Variants in ARHGEF28 observed in about 807,000 individuals in gnomAD.
ARHGEF28 encodes 190 kDa guanine nucleotide exchange factor.
ARHGEF28 carries 152 observed loss-of-function variants against 206.6 expected under a neutral mutation model. The ratio of observed to expected loss-of-function variants is 0.74; its 90% CI spans 0.64 to 0.84. ARHGEF28 has a LOEUF of 0.84. Ranked by LOEUF, ARHGEF28 falls within the 40% of genes least tolerant of loss-of-function variation. ARHGEF28 has a pLI of 0.00. For missense variants in ARHGEF28, 2,028 were observed against 2,073.2 expected, an observed-to-expected ratio of 0.98 and a Z score of 0.42; for synonymous variants, 763 against 776.4, an observed-to-expected ratio of 0.98 and a Z score of 0.29.
At chr5:73,677,561 A>G (rs1415540236) in intron 1 of ARHGEF28, among the ~76,000 whole-genome samples, 1 of 152,252 alleles carries the variant, frequency 6.6e-6, no homozygotes, top group Non-Finnish European at 1.5e-5. Context: ...TAAATGTTAT[A>G]TTTACTTTCC....
chr5:73,834,140 A>C (rs946411989), intron 10 of ARHGEF28, among the ~76,000 whole-genome samples: 4 of 152,218 alleles, frequency 2.6e-5, no homozygotes, highest in African/African-American at 9.6e-5. Flanking sequence ...ATTATGAGAT[A>C]ATTACCACAA....
Position 73,742,775 on chromosome 5 carries a change from G to A in ARHGEF28, c.34-7062G>A, listed in dbSNP as rs1751513582. Among the ~76,000 whole-genome samples, 3 of 145,426 alleles carry A rather than the reference G, an allele frequency of 2.1e-5. No individual in the cohort carries two copies. The South Asian group carries it at 6.5e-4, about 31-fold the overall frequency. Reference sequence around the variant, plus strand: ...GGAAGCAGAGCTTGCAGTGAGCCGAGATTGCGCCACTGCAGTCCGCAGTCC... The same window carrying A: ...GGAAGCAGAGCTTGCAGTGAGCCGAAATTGCGCCACTGCAGTCCGCAGTCC... On this transcript the variant is annotated intron_variant, in intron 2 of 35. Coordinates refer to ENST00000513042, the MANE Select transcript of ARHGEF28 (RefSeq NM_001177693.2).
rs141509598 is a variant in ARHGEF28, at chr5:73,848,659, A to C, written c.1636-317A>C. 3.3e-5 allele frequency among the ~76,000 whole-genome samples: 5 copies of C among 152,258 alleles called. No individual in the cohort carries two copies. The East Asian group carries it at 9.6e-4, about 29-fold the overall frequency. On this transcript the variant is annotated intron_variant, in intron 12 of 35. Transcript: ENST00000513042. The stretch of plus-strand genomic sequence containing the variant: ...ACTGACACCTCAGGTAAAAATAATA[A>C]ACTCATTGTTGAATATACAAAGAAA...
chr5:73,685,789 A>AT (rs1747427825), intron 2 of ARHGEF28, among the ~76,000 whole-genome samples: 1 of 151,564 alleles, frequency 6.6e-6, no homozygotes, highest in Non-Finnish European at 1.5e-5. Context: ...CGCCTGGCTA[A>AT]TTTTTTGTAT....
At chr5:73,629,900 C>A (rs1237741692) in intron 1 of ARHGEF28, among the ~76,000 whole-genome samples, 1 of 152,130 alleles carries the variant, frequency 6.6e-6, no homozygotes, top group Non-Finnish European at 1.5e-5. Flanking sequence ...AACATACAAG[C>A]GATGTTCTCT....
At chr5:73,845,986 CA>C (rs57600570) in intron 11 of ARHGEF28, among the ~76,000 whole-genome samples, 4,946 of 63,328 alleles carry the variant, frequency 0.078, 82 homozygotes, top group East Asian at 0.14. Context: ...AAAACTGTCT[CA>C]AAAAAAAAAA....
intron 12 of ARHGEF28, among the ~76,000 whole-genome samples, chr5:73,847,233 A>T (rs959380965): frequency 7.9e-5 from 12 of 152,188 alleles, no homozygotes; most frequent in Non-Finnish European, 1.3e-4. Flanking sequence ...TTATGATAAT[A>T]CCTTCTTTTT....
chr5:73,768,111 T>C (rs1753008465), intron 4 of ARHGEF28, among the ~76,000 whole-genome samples: 1 of 152,188 alleles, frequency 6.6e-6, no homozygotes, highest in African/African-American at 2.4e-5. Context: ...AAAGAATGTA[T>C]GGAAATGCCT....
intron 9 of ARHGEF28, among the ~76,000 whole-genome samples, chr5:73,815,757 C>T (rs1756165690): frequency 6.6e-6 from 1 of 152,054 alleles, no homozygotes. Context: ...GAAGCATGGC[C>T]AGTACGAGCT....
intron 2 of ARHGEF28, among the ~76,000 whole-genome samples, chr5:73,700,479 A>G (rs1297585164): frequency 2.0e-5 from 3 of 152,198 alleles, no homozygotes; most frequent in Non-Finnish European, 2.9e-5. Flanking sequence ...TTAAAGTCAT[A>G]AGAGAGAGGA....
At chr5:73,761,745 T>C (rs1752612149) in intron 4 of ARHGEF28, among the ~76,000 whole-genome samples, 1 of 152,152 alleles carries the variant, frequency 6.6e-6, no homozygotes. Context: ...GTACTGTGAG[T>C]GGCGACACAT....
chr5:73,884,685 C>T (rs1157156557), intron 24 of ARHGEF28, among the ~76,000 whole-genome samples: 1 of 152,096 alleles, frequency 6.6e-6, no homozygotes, highest in East Asian at 1.9e-4. Flanking sequence ...TTAACTGAGC[C>T]TCAGTTATCT....
chr5:73,832,422 GTGA>G lies in ARHGEF28; in HGVS notation c.1113_1115del (p.Asp371del). 6.2e-7 allele frequency: 1 copy of G among 1,612,716 alleles called. No homozygotes were observed. Among genetic ancestry groups the G allele is most frequent in the South Asian group, 1.1e-5 (1 of 90,546 alleles). On this transcript the variant is annotated inframe_deletion, in exon 10 of 36. Coordinates refer to ENST00000513042, the MANE Select transcript of ARHGEF28 (RefSeq NM_001177693.2). ...CGGCTTTCAGACATGCTGAATGGAG[GTGA>G]TGAAGTCTACGCTAACTGTATGGTG...
chr5:73,796,857 C>G (rs576810901), intron 9 of ARHGEF28, among the ~76,000 whole-genome samples: 1 of 152,182 alleles, frequency 6.6e-6, no homozygotes, highest in African/African-American at 2.4e-5. Context: ...CTGTTACTCA[C>G]GCACACAGGA....
At chr5:73,934,753 A>T (rs1764323375) in intron 35 of ARHGEF28, among the ~76,000 whole-genome samples, 2 of 152,228 alleles carry the variant, frequency 1.3e-5, no homozygotes, top group Non-Finnish European at 2.9e-5. Context: ...TATAATACAC[A>T]TGAGCCTATT....
At chr5:73,898,178 G>T in intron 30 of ARHGEF28, 85 bp downstream of exon 30, 2 of 1,483,010 alleles carry the variant, frequency 1.3e-6, no homozygotes, top group South Asian at 1.3e-5. Flanking sequence ...GGCAATGACT[G>T]TCTCTGGTTG....
intron 7 of ARHGEF28, among the ~76,000 whole-genome samples, chr5:73,784,512 C>G (rs781222789): frequency 2.0e-5 from 3 of 152,158 alleles, no homozygotes; most frequent in Non-Finnish European, 4.4e-5. Flanking sequence ...ATATTTTCCC[C>G]TTGCCTTCTT....
intron 35 of ARHGEF28, among the ~76,000 whole-genome samples, chr5:73,913,219 GA>G (rs1168329456): frequency 1.3e-5 from 2 of 152,200 alleles, no homozygotes; most frequent in African/African-American, 4.8e-5. Context: ...ATTGACAGGA[GA>G]GAAGAAAGTC....
intron 35 of ARHGEF28, among the ~76,000 whole-genome samples, chr5:73,919,937 A>G (rs961257767): frequency 7.2e-5 from 11 of 152,250 alleles, no homozygotes; most frequent in African/African-American, 2.4e-4. Flanking sequence ...GTAGAGCATT[A>G]CATATTTCTC....
Sources: gnomAD v4.1 joint callset for allele counts (sites outside exome capture counted in the v4.1 genomes callset) on GRCh38, gnomAD v4.1.1 for gene constraint, MANE v1.5 for transcripts, NCBI Gene and HGNC (gene_info 2026-07-23, HGNC 2026-07-21) for gene names.